Variants in SAMD5 observed in about 807,000 individuals in gnomAD.
The protein encoded by SAMD5 is sterile alpha motif domain containing 5.
Under a neutral mutation model 11.3 loss-of-function variants are expected in SAMD5, and 13 were observed. That is an observed-to-expected ratio of 1.15 (90% CI 0.75 to 1.83). The LOEUF (loss-of-function observed/expected upper bound fraction) is 1.83, where lower values mean the gene tolerates loss of function less well. SAMD5 is among the 40% of genes most tolerant of loss of function. The pLI is 0.00. For missense variants in SAMD5, 255 were observed against 239.1 expected, an observed-to-expected ratio of 1.07 and a Z score of -0.44; for synonymous variants, 129 against 111.3, an observed-to-expected ratio of 1.16 and a Z score of -1.00.
At chr6:147,954,303 A>G in the SAMD5 span, among the ~76,000 whole-genome samples, 2 of 152,204 alleles carry the variant, frequency 1.3e-5, no homozygotes, top group African/African-American at 4.8e-5. Flanking sequence ...AGATTGAAAA[A>G]CAGCAACTTA....
intron 1 of SAMD5, among the ~76,000 whole-genome samples, chr6:147,514,419 G>A (rs522566): frequency 0.47 from 70,923 of 150,878 alleles, 19,255 homozygotes; most frequent in African/African-American, 0.77. Context: ...GATCTAGTGG[G>A]ATCCTATACA....
chr6:147,674,292 A>G (rs1790833870), intron 1 of SAMD5, among the ~76,000 whole-genome samples: 1 of 152,158 alleles, frequency 6.6e-6, no homozygotes, highest in African/African-American at 2.4e-5. Flanking sequence ...TCACAGAAGC[A>G]TGTGCCTCTT....
chr6:147,652,998 A>T (rs190434519), intron 1 of SAMD5, among the ~76,000 whole-genome samples: 1 of 152,278 alleles, frequency 6.6e-6, no homozygotes, highest in Admixed American at 6.5e-5. Flanking sequence ...CCTAGTTTAC[A>T]CACAAAATGC....
chr6:147,935,177 C>A, the SAMD5 span, among the ~76,000 whole-genome samples: 1 of 152,154 alleles, frequency 6.6e-6, no homozygotes, highest in African/African-American at 2.4e-5. Context: ...GTGTTGTCAT[C>A]CAGGTATCGG....
chr6:147,640,495 C>T (rs1404344415), intron 1 of SAMD5, among the ~76,000 whole-genome samples: 6 of 26,868 alleles, frequency 2.2e-4, no homozygotes, highest in Non-Finnish European at 3.0e-4. Flanking sequence ...AAGACTCTGT[C>T]GCAAAAAAAA....
intron 1 of SAMD5, among the ~76,000 whole-genome samples, chr6:147,534,521 T>C (rs886585464): frequency 6.6e-6 from 1 of 152,174 alleles, no homozygotes; most frequent in African/African-American, 2.4e-5. Flanking sequence ...CAGAGTTTTA[T>C]TATTACTCAA....
At chr6:147,548,466 T>G (rs1232813438) in intron 1 of SAMD5, among the ~76,000 whole-genome samples, 2 of 152,180 alleles carry the variant, frequency 1.3e-5, no homozygotes, top group African/African-American at 2.4e-5. Context: ...CCCTGTTAAC[T>G]TTACCCCAGA....
the SAMD5 span, among the ~76,000 whole-genome samples, chr6:147,907,549 T>C: frequency 1.3e-5 from 2 of 152,206 alleles, no homozygotes; most frequent in Admixed American, 6.5e-5. Context: ...GTAGGTGATA[T>C]GGAAGTTTAA....
At chr6:147,843,034 AT>A in the SAMD5 span, among the ~76,000 whole-genome samples, 3 of 152,176 alleles carry the variant, frequency 2.0e-5, no homozygotes, top group African/African-American at 7.2e-5. Context: ...TAATTGTTGT[AT>A]TTTTAGTAGA....
rs570562284 is a variant in SAMD5, at chr6:147,728,242, A to G, written c.163-9075A>G. 1.1e-4 allele frequency among the ~76,000 whole-genome samples: 17 copies of G among 152,240 alleles called. No individual in the cohort carries two copies. In the South Asian group the frequency reaches 1.2e-3, roughly 11 times the overall value. ...GGAGTTTGAGACCAGCCTGGCCAAT[A>G]TGGTGAAATCCTGTCTCTACAAAAA... On this transcript the variant is annotated intron_variant, in intron 1 of 1. Coordinates refer to the SAMD5 transcript ENST00000566741.
chr6:147,535,953 G>A (rs1788501912), intron 1 of SAMD5, among the ~76,000 whole-genome samples: 1 of 152,134 alleles, frequency 6.6e-6, no homozygotes, highest in Middle Eastern at 3.4e-3. Context: ...AAGGAACCAT[G>A]CCATTTCAGT....
chr6:147,925,515 C>T, the SAMD5 span, among the ~76,000 whole-genome samples: 2 of 151,146 alleles, frequency 1.3e-5, no homozygotes, highest in Non-Finnish European at 2.9e-5. Context: ...TTCAGGAGTT[C>T]TAGTATCCTG....
At chr6:147,917,436 C>T in the SAMD5 span, among the ~76,000 whole-genome samples, 4 of 151,710 alleles carry the variant, frequency 2.6e-5, no homozygotes, top group Non-Finnish European at 5.9e-5. Flanking sequence ...TGTTGGAGTT[C>T]ACTGTAGATT....
At chr6:147,888,087 T>G in the SAMD5 span, among the ~76,000 whole-genome samples, 4 of 152,174 alleles carry the variant, frequency 2.6e-5, no homozygotes, top group South Asian at 8.3e-4. Flanking sequence ...TAAATCCCAT[T>G]TTCTTTCTGA....
intron 1 of SAMD5, among the ~76,000 whole-genome samples, chr6:147,703,689 A>G (rs1353342992): frequency 2.0e-5 from 3 of 152,114 alleles, no homozygotes; most frequent in Non-Finnish European, 4.4e-5. Flanking sequence ...TATCCAAGAC[A>G]ATGTTTTGAG....
the SAMD5 span, among the ~76,000 whole-genome samples, chr6:147,856,547 G>A: frequency 4.6e-5 from 7 of 152,174 alleles, 1 homozygote; most frequent in Admixed American, 4.6e-4. Context: ...GATAGGACAG[G>A]ATGTGTAGAG....
intron 1 of SAMD5, among the ~76,000 whole-genome samples, chr6:147,641,167 T>C (rs948088734): frequency 6.6e-6 from 1 of 152,202 alleles, no homozygotes; most frequent in Non-Finnish European, 1.5e-5. Flanking sequence ...TTCTTCTTCA[T>C]ATGAGAGCCT....
chr6:147,617,406 T>C (rs1254557348), intron 1 of SAMD5, among the ~76,000 whole-genome samples: 1 of 152,238 alleles, frequency 6.6e-6, no homozygotes, highest in African/African-American at 2.4e-5. Context: ...TTCTGATTCA[T>C]TGGCCTTTGG....
intron 1 of SAMD5, among the ~76,000 whole-genome samples, chr6:147,581,425 G>A (rs1789295575): frequency 6.6e-6 from 1 of 152,164 alleles, no homozygotes; most frequent in Non-Finnish European, 1.5e-5. Flanking sequence ...CCACAGGAAA[G>A]GATAAGATGG....
Sources: allele counts gnomAD v4.1 joint callset (sites outside exome capture counted in the v4.1 genomes callset), GRCh38; gene constraint gnomAD v4.1.1; transcripts MANE v1.5; gene names NCBI Gene and HGNC (gene_info 2026-07-23, HGNC 2026-07-21).